FHIT: variants seen among roughly 807,000 people sequenced by gnomAD.
FHIT encodes fragile histidine triad diadenosine triphosphatase.
In FHIT, 19 loss-of-function variants were observed where a neutral mutation model predicts 17.9. That is an observed-to-expected ratio of 1.06 (90% CI 0.74 to 1.56). The LOEUF is 1.56. Ranked by LOEUF, FHIT falls within the 40% of genes most tolerant of loss-of-function variation. FHIT has a pLI of 0.00. For missense variants in FHIT, 248 were observed against 189.2 expected (o/e 1.31, Z -1.82); for synonymous variants, 81 against 69.7 (o/e 1.16, Z -0.81).
intron 5 of FHIT, among the ~76,000 whole-genome samples, chr3:60,180,041 GA>G (rs1701856945): frequency 6.6e-6 from 1 of 152,120 alleles, no homozygotes; most frequent in African/African-American, 2.4e-5. Context: ...ATGGCCAATG[GA>G]AATTACACAG....
intron 7 of FHIT, among the ~76,000 whole-genome samples, chr3:59,940,931 C>T (rs1265484929): frequency 6.6e-6 from 1 of 152,134 alleles, no homozygotes; most frequent in Non-Finnish European, 1.5e-5. Flanking sequence ...TACATATAAA[C>T]AGTTCCGGTC....
chr3:60,787,248 G>A (rs1196840571), intron 4 of FHIT, among the ~76,000 whole-genome samples: 2 of 152,058 alleles, frequency 1.3e-5, no homozygotes, highest in Non-Finnish European at 2.9e-5. Context: ...GAAGAGCAAG[G>A]GATTGGAAAA....
chr3:61,065,256 C>T (rs13080291), intron 2 of FHIT, among the ~76,000 whole-genome samples: 83,140 of 148,152 alleles, frequency 0.56, 23,946 homozygotes, highest in Non-Finnish European at 0.65. Flanking sequence ...TTCTATCTCA[C>T]GAGTCATTTT....
chr3:60,590,062 T>G (rs2038034859), intron 4 of FHIT, among the ~76,000 whole-genome samples: 1 of 152,040 alleles, frequency 6.6e-6, no homozygotes, highest in African/African-American at 2.4e-5. Context: ...TCTTTTAATT[T>G]TACTCTTCCA....
chr3:61,187,761 C>A (rs986517853), intron 2 of FHIT, among the ~76,000 whole-genome samples: 2 of 152,152 alleles, frequency 1.3e-5, no homozygotes, highest in Non-Finnish European at 2.9e-5. Context: ...CAAACTAGAA[C>A]TGAGGATTAA....
At chr3:61,162,793 A>G (rs2037734682) in intron 2 of FHIT, among the ~76,000 whole-genome samples, 2 of 152,160 alleles carry the variant, frequency 1.3e-5, no homozygotes, top group African/African-American at 4.8e-5. Context: ...TGGAGGTTCA[A>G]TTAATCCCCC....
chr3:60,823,669 C>T (rs1702012000), intron 3 of FHIT, among the ~76,000 whole-genome samples: 1 of 152,138 alleles, frequency 6.6e-6, no homozygotes, highest in Non-Finnish European at 1.5e-5. Context: ...CTTGTAGCCT[C>T]CAGAACTATG....
intron 8 of FHIT, among the ~76,000 whole-genome samples, chr3:59,843,855 A>T (rs1398361062): frequency 1.3e-5 from 2 of 152,034 alleles, no homozygotes; most frequent in African/African-American, 4.8e-5. Context: ...GTCCCCTTCA[A>T]ATCTGATGTT....
intron 5 of FHIT, among the ~76,000 whole-genome samples, chr3:60,243,472 C>T (rs1705236738): frequency 6.6e-6 from 1 of 152,060 alleles, no homozygotes; most frequent in Non-Finnish European, 1.5e-5. Flanking sequence ...TTGACCTGTG[C>T]CTGCATACAC....
At chr3:60,538,605 G>C (rs1030110827) in intron 4 of FHIT, among the ~76,000 whole-genome samples, 4 of 152,046 alleles carry the variant, frequency 2.6e-5, no homozygotes, top group Non-Finnish European at 4.4e-5. Flanking sequence ...ATAGACCAAT[G>C]GAACAGAACA....
At chr3:60,993,097 G>A (rs1187550170) in intron 3 of FHIT, among the ~76,000 whole-genome samples, 1 of 152,158 alleles carries the variant, frequency 6.6e-6, no homozygotes, top group Non-Finnish European at 1.5e-5. Flanking sequence ...ATTCAAATTG[G>A]TGAACTAGCT....
At chr3:59,946,288 G>T (rs564128799) in intron 7 of FHIT, among the ~76,000 whole-genome samples, 1 of 152,146 alleles carries the variant, frequency 6.6e-6, no homozygotes, top group African/African-American at 2.4e-5. Context: ...TGACTATTGT[G>T]AATGGGACTG....
At chr3:60,761,640 T>A (rs1213539477) in intron 4 of FHIT, among the ~76,000 whole-genome samples, 1 of 151,008 alleles carries the variant, frequency 6.6e-6, no homozygotes, top group African/African-American at 2.4e-5. Flanking sequence ...TTTTTTTCAT[T>A]CCTAGACACC....
At chr3:60,572,247 TAC>T (rs146343163) in intron 4 of FHIT, among the ~76,000 whole-genome samples, 1 of 152,010 alleles carries the variant, frequency 6.6e-6, no homozygotes, top group South Asian at 2.1e-4. Context: ...TGCATGCATA[TAC>T]ACACACAGAC....
intron 1 of FHIT, among the ~76,000 whole-genome samples, chr3:61,206,297 G>A (rs1381523440): frequency 2.3e-5 from 3 of 130,802 alleles, no homozygotes; most frequent in Non-Finnish European, 3.3e-5. Flanking sequence ...ACTTGGTGAT[G>A]CAGGCTCTTT....
At chr3:60,277,153 T>A (rs759047331) in intron 5 of FHIT, among the ~76,000 whole-genome samples, 1 of 152,188 alleles carries the variant, frequency 6.6e-6, no homozygotes, top group Non-Finnish European at 1.5e-5. Context: ...TCAATTTTCA[T>A]ATTAATGGTC....
chr3:60,865,897 G>A (rs1704137503), intron 3 of FHIT, among the ~76,000 whole-genome samples: 1 of 152,130 alleles, frequency 6.6e-6, no homozygotes, highest in Non-Finnish European at 1.5e-5. Context: ...CACAGATGGG[G>A]TTTACTTAGA....
chr3:60,307,190 C>A (rs1708715499), intron 5 of FHIT, among the ~76,000 whole-genome samples: 1 of 152,162 alleles, frequency 6.6e-6, no homozygotes. Context: ...GTACAGCACT[C>A]TGTCTCCAGT....
chr3:59,870,874 C>CATGTGT (rs145827785), intron 8 of FHIT, among the ~76,000 whole-genome samples: 2 of 149,778 alleles, frequency 1.3e-5, no homozygotes, highest in African/African-American at 4.9e-5. Flanking sequence ...TGTGTGTGTG[C>CATGTGT]GTGTGTGTGT....
Sources: allele counts gnomAD v4.1 joint callset (sites outside exome capture counted in the v4.1 genomes callset), GRCh38; gene constraint gnomAD v4.1.1; transcripts MANE v1.5; gene names NCBI Gene and HGNC (gene_info 2026-07-23, HGNC 2026-07-21).